Variants in UBE2QL1 observed in about 807,000 individuals in gnomAD.
UBE2QL1 encodes ubiquitin conjugating enzyme E2 QL1.
A neutral mutation model predicts 12.6 loss-of-function variants in UBE2QL1; 5 were observed. That is an observed-to-expected ratio of 0.40 (90% CI 0.21 to 0.83). The LOEUF is 0.83. Ranked by LOEUF, UBE2QL1 falls within the 40% of genes least tolerant of loss-of-function variation. The pLI, the probability that UBE2QL1 is intolerant of heterozygous loss-of-function variation, is 0.37. For missense variants in UBE2QL1, 99 were observed against 222.6 expected (o/e 0.44, Z 3.53); for synonymous variants, 96 against 94.5 (o/e 1.02, Z -0.10).
chr5:6,471,100 AG>A (rs1247560832), intron 1 of UBE2QL1, among the ~76,000 whole-genome samples: 5 of 152,218 alleles, frequency 3.3e-5, no homozygotes, highest in Non-Finnish European at 5.9e-5. Flanking sequence ...GGATGGATTT[AG>A]GGAATGGGTT....
Position 6,457,381 on chromosome 5 carries a change from G to A in UBE2QL1, c.354+8134G>A, listed in dbSNP as rs192547133. 3.1e-4 allele frequency among the ~76,000 whole-genome samples: 47 copies of A among 152,168 alleles called. No homozygotes were observed. The East Asian group carries it at 8.2e-3, about 26-fold the overall frequency. ...CTCTGAACTGCAGAGGAGGAAGCTCGGCATTGTTTAGAAAAAGTTCATTTC... is the reference window on the plus strand; with the variant it reads ...CTCTGAACTGCAGAGGAGGAAGCTCAGCATTGTTTAGAAAAAGTTCATTTC... On this transcript the variant is annotated intron_variant, in intron 1 of 1. Coordinates refer to ENST00000399816, the MANE Select transcript of UBE2QL1 (RefSeq NM_001145161.3).
chr5:6,483,925 C>G (rs1734415796), intron 1 of UBE2QL1, among the ~76,000 whole-genome samples: 1 of 152,328 alleles, frequency 6.6e-6, no homozygotes, highest in South Asian at 2.1e-4. Flanking sequence ...CTCTGGTCGC[C>G]TGTATGTGTT....
intron 1 of UBE2QL1, among the ~76,000 whole-genome samples, chr5:6,489,448 AT>A (rs1734524688): frequency 6.6e-6 from 1 of 151,744 alleles, no homozygotes; most frequent in African/African-American, 2.4e-5. Context: ...AAAAAGAAAA[AT>A]TTTTTAAAAA....
intron 1 of UBE2QL1, among the ~76,000 whole-genome samples, chr5:6,487,172 A>G (rs956396327): frequency 6.6e-6 from 1 of 152,334 alleles, no homozygotes; most frequent in Non-Finnish European, 1.5e-5. Context: ...ATTCAATTAC[A>G]TGGGGGCCGA....
At chr5:6,455,560 G>A (rs987856780) in intron 1 of UBE2QL1, among the ~76,000 whole-genome samples, 2 of 152,104 alleles carry the variant, frequency 1.3e-5, no homozygotes, top group African/African-American at 4.8e-5. Flanking sequence ...CACATTAGAT[G>A]CCCTGAGGAG....
rs541968999 is a variant in UBE2QL1 at position 6,486,342 on chromosome 5, A to G, written c.355-4876A>G. Among the ~76,000 whole-genome samples the G allele has an allele frequency of 4.0e-5, 6 of 151,358 alleles. No homozygotes were observed. The Admixed American group carries it at 4.0e-4, about 10-fold the overall frequency. On this transcript the variant is annotated intron_variant, in intron 1 of 1. Transcript: ENST00000399816. Reference sequence around the variant, plus strand: ...CACACACAAGCACACACACACACAAACACACACACACACTTAAATTCCATG... The same window carrying G: ...CACACACAAGCACACACACACACAAGCACACACACACACTTAAATTCCATG...
In UBE2QL1 at chr5:6,448,962, C is replaced by T; in HGVS notation, c.69C>T (p.Ser23=). 1 of 1,549,020 alleles carries T rather than the reference C, an allele frequency of 6.5e-7. No homozygotes were observed. Among genetic ancestry groups the T allele is most frequent in the South Asian group, 1.2e-5 (1 of 83,412 alleles). Residue 23 remains serine (S), a synonymous_variant, in exon 1 of 2, where the codon AGC becomes AGT. Coordinates refer to ENST00000399816, the MANE Select transcript of UBE2QL1 (RefSeq NM_001145161.3). ...TCTCCGTGGAGCTGGTGGACGAGAG[C>T]CTGTTCGACTGGAACGTGAAGCTGC... ...RFISVELVDE[S]LFDWNVKLHQ...
intron 1 of UBE2QL1, among the ~76,000 whole-genome samples, chr5:6,472,548 G>A (rs980937916): frequency 9.9e-5 from 15 of 152,106 alleles, no homozygotes; most frequent in Admixed American, 4.6e-4. Flanking sequence ...TGGACATCAC[G>A]CTGCATACTT....
intron 1 of UBE2QL1, among the ~76,000 whole-genome samples, chr5:6,488,136 A>AATAAATGCG (rs1734499394): frequency 6.6e-6 from 1 of 152,230 alleles, no homozygotes; most frequent in African/African-American, 2.4e-5. Context: ...TGAGCCTCTG[A>AATAAATGCG]CTGGCTCATA....
intron 1 of UBE2QL1, among the ~76,000 whole-genome samples, chr5:6,449,491 C>G (rs931352266): frequency 4.0e-5 from 6 of 149,054 alleles, no homozygotes; most frequent in Admixed American, 6.6e-5. Flanking sequence ...AGTCTCTGCC[C>G]GTCTCTCTGG....
At chr5:6,450,089 C>CCA (rs1553987131) in intron 1 of UBE2QL1, among the ~76,000 whole-genome samples, 3,211 of 126,892 alleles carry the variant, frequency 0.025, 117 homozygotes, top group African/African-American at 0.083. Context: ...AGACCAGACC[C>CCA]CCCCCCCCCA....
chr5:6,457,194 C>A (rs1739544295), intron 1 of UBE2QL1, among the ~76,000 whole-genome samples: 1 of 152,014 alleles, frequency 6.6e-6, no homozygotes, highest in Admixed American at 6.5e-5. Flanking sequence ...GCCACAGCCC[C>A]CACTGAGGCT....
In UBE2QL1 at chr5:6,481,754, A is replaced by G. The variant is rs912811281; in HGVS notation, c.355-9464A>G. On this transcript the variant is annotated intron_variant, in intron 1 of 1. Coordinates refer to ENST00000399816, the MANE Select transcript of UBE2QL1 (RefSeq NM_001145161.3). The surrounding 1 kb of genome is among the most constrained non-coding windows in gnomAD (Gnocchi z 4.5). ...AGGCCCTCGCCATCTTCTCTGGACC[A>G]TGACAATAACCTAACTGGACAACAC... Among the ~76,000 whole-genome samples the G allele has an allele frequency of 2.0e-5, 3 of 152,160 alleles. No individual in the cohort carries two copies. The highest frequency in any genetic ancestry group is 7.2e-5 in the African/African-American group (3 of 41,428).
chr5:6,457,853 A>G (rs1374331580), intron 1 of UBE2QL1, among the ~76,000 whole-genome samples: 2 of 152,194 alleles, frequency 1.3e-5, no homozygotes, highest in Non-Finnish European at 2.9e-5. Flanking sequence ...CTGCAGTTCC[A>G]TGGTGCATGG....
intron 1 of UBE2QL1, among the ~76,000 whole-genome samples, chr5:6,454,113 C>G (rs1348024056): frequency 6.6e-6 from 1 of 152,178 alleles, no homozygotes; most frequent in African/African-American, 2.4e-5. Context: ...AATTCCTGGG[C>G]TCAAGCAGTC....
At chr5:6,486,228 A>G (rs1734464097) in intron 1 of UBE2QL1, among the ~76,000 whole-genome samples, 1 of 152,176 alleles carries the variant, frequency 6.6e-6, no homozygotes, top group Non-Finnish European at 1.5e-5. Context: ...CCAAGGTCAC[A>G]CAGCCAGGAA....
chr5:6,466,332 C>T (rs959555312), intron 1 of UBE2QL1, among the ~76,000 whole-genome samples: 6 of 152,224 alleles, frequency 3.9e-5, no homozygotes, highest in Non-Finnish European at 7.3e-5. Context: ...GGCCAGGTGT[C>T]CTGTTGGAGT....
At chr5:6,467,205 C>T (rs760707407) in intron 1 of UBE2QL1, among the ~76,000 whole-genome samples, 83 of 152,144 alleles carry the variant, frequency 5.5e-4, no homozygotes, top group Non-Finnish European at 9.9e-4. Flanking sequence ...CCTCTCCTCC[C>T]CTTTCCTCCT....
chr5:6,456,145 C>T (rs1739518280), intron 1 of UBE2QL1, among the ~76,000 whole-genome samples: 1 of 152,184 alleles, frequency 6.6e-6, no homozygotes, highest in Non-Finnish European at 1.5e-5. Context: ...AAGTGCCTGC[C>T]ACAGGGAACG....
Sources: gnomAD v4.1 joint callset for allele counts (sites outside exome capture counted in the v4.1 genomes callset) on GRCh38, gnomAD v4.1.1 for gene constraint, Gnocchi (gnomAD v3.1) non-coding constraint, MANE v1.5 for transcripts, NCBI Gene and HGNC (gene_info 2026-07-23, HGNC 2026-07-21) for gene names.